SYNPR: variants seen among roughly 807,000 people sequenced by gnomAD.
The protein encoded by SYNPR is synaptoporin.
A neutral mutation model predicts 32.9 loss-of-function variants in SYNPR; 23 were observed. The ratio of observed to expected loss-of-function variants is 0.70; its 90% CI spans 0.50 to 0.99. The LOEUF is 0.99. Ranked by LOEUF, SYNPR falls within the 50% of genes least tolerant of loss-of-function variation. SYNPR has a pLI of 0.00. For synonymous variants in SYNPR, 146 were observed against 135.9 expected, an observed-to-expected ratio of 1.07 and a Z score of -0.52; for missense variants, 318 against 349.3, an observed-to-expected ratio of 0.91 and a Z score of 0.71.
intron 4 of SYNPR, among the ~76,000 whole-genome samples, chr3:63,563,887 T>TA (rs902497171): frequency 3.5e-5 from 5 of 142,292 alleles, no homozygotes; most frequent in African/African-American, 1.0e-4. Context: ...TAAAGTATAA[T>TA]AAAAAAATAA....
intron 2 of SYNPR, among the ~76,000 whole-genome samples, chr3:63,416,925 A>T (rs2088550014): frequency 1.3e-5 from 2 of 152,314 alleles, no homozygotes; most frequent in South Asian, 4.1e-4. Flanking sequence ...GTGGGGACAC[A>T]GCCAAACCAT....
At chr3:63,603,060 C>T (rs532387924) in intron 4 of SYNPR, among the ~76,000 whole-genome samples, 48 of 152,082 alleles carry the variant, frequency 3.2e-4, no homozygotes, top group African/African-American at 9.9e-4. Flanking sequence ...GATTTTTCAT[C>T]TCCCTGATTT....
intron 2 of SYNPR, among the ~76,000 whole-genome samples, chr3:63,402,148 C>T (rs2088301224): frequency 1.3e-5 from 2 of 152,118 alleles, no homozygotes; most frequent in South Asian, 4.1e-4. Context: ...GAAGAAGACA[C>T]TTTCTAGATC....
chr3:63,480,190 T>A (rs1391162540), intron 2 of SYNPR, among the ~76,000 whole-genome samples: 2 of 152,168 alleles, frequency 1.3e-5, no homozygotes, highest in Admixed American at 6.5e-5. Context: ...GGATAGACCA[T>A]GACATTAACT....
intron 4 of SYNPR, among the ~76,000 whole-genome samples, chr3:63,595,730 TATATATATATATATATATATATATATA>T (rs1699925440): frequency 4.0e-5 from 1 of 24,790 alleles, no homozygotes; most frequent in Admixed American, 5.8e-4. Context: ...TATATATATA[TATATATATATATATATATATATATATA>T]TATATATATA....
At chr3:63,293,865 A>G (rs567401892) in intron 2 of SYNPR, among the ~76,000 whole-genome samples, 8 of 152,232 alleles carry the variant, frequency 5.3e-5, no homozygotes, top group South Asian at 2.1e-4. Flanking sequence ...CTCCACTCTA[A>G]TATGACCTCA....
At chr3:63,375,123 G>A (rs1376307489) in intron 2 of SYNPR, among the ~76,000 whole-genome samples, 1 of 152,146 alleles carries the variant, frequency 6.6e-6, no homozygotes, top group Non-Finnish European at 1.5e-5. Context: ...ACTGTTGGTG[G>A]CAGTGTAAAT....
intron 2 of SYNPR, among the ~76,000 whole-genome samples, chr3:63,310,200 C>G (rs559972227): frequency 3.9e-5 from 6 of 152,008 alleles, no homozygotes; most frequent in African/African-American, 1.4e-4. Context: ...ATCTCTCTCA[C>G]CTTTGGTCTC....
chr3:63,220,247 G>T, the SYNPR span, among the ~76,000 whole-genome samples: 1 of 152,196 alleles, frequency 6.6e-6, no homozygotes, highest in Admixed American at 6.5e-5. Flanking sequence ...TGGTCAGAAA[G>T]AAAGAAAAAC....
chr3:63,554,132 C>T (rs1702555375), intron 3 of SYNPR, among the ~76,000 whole-genome samples: 1 of 152,146 alleles, frequency 6.6e-6, no homozygotes, highest in Admixed American at 6.5e-5. Flanking sequence ...GATATTAGAC[C>T]TTTGTCAGAT....
intron 2 of SYNPR, among the ~76,000 whole-genome samples, chr3:63,376,772 T>A (rs1251302297): frequency 1.3e-5 from 2 of 152,162 alleles, no homozygotes. Flanking sequence ...CCCCTGTCTC[T>A]ATCATTTTCT....
chr3:63,494,414 TATAC>T (rs1316050935), intron 3 of SYNPR, among the ~76,000 whole-genome samples: 2 of 84,554 alleles, frequency 2.4e-5, no homozygotes, highest in Non-Finnish European at 4.4e-5. Flanking sequence ...TATATATATA[TATAC>T]GTATATATAT....
intron 2 of SYNPR, among the ~76,000 whole-genome samples, chr3:63,283,792 C>T (rs969132566): frequency 1.3e-5 from 2 of 149,686 alleles, no homozygotes; most frequent in African/African-American, 4.9e-5. Flanking sequence ...TTGGTATAGT[C>T]CTTCCACAGA....
intron 3 of SYNPR, among the ~76,000 whole-genome samples, chr3:63,270,602 A>C (rs2086526289): frequency 6.6e-6 from 1 of 152,168 alleles, no homozygotes; most frequent in African/African-American, 2.4e-5. Context: ...GAAGGTATAA[A>C]ATTTGTTCAA....
chr3:63,392,997 G>A (rs887902105), intron 2 of SYNPR, among the ~76,000 whole-genome samples: 2 of 152,024 alleles, frequency 1.3e-5, no homozygotes, highest in African/African-American at 4.8e-5. Flanking sequence ...ACCTATGGCC[G>A]TGGAAAACTA....
chr3:63,610,491 T>G (rs895891442), intron 5 of SYNPR: 27 of 698,866 alleles, frequency 3.9e-5, no homozygotes, highest in Non-Finnish European at 6.3e-5. Flanking sequence ...AAATTCAATC[T>G]GCGAAGGCAC....
chr3:63,413,628 T>C (rs1311186755), intron 2 of SYNPR, among the ~76,000 whole-genome samples: 5 of 152,208 alleles, frequency 3.3e-5, no homozygotes, highest in African/African-American at 1.2e-4. Flanking sequence ...AGTACAGTTA[T>C]GCTAAGCTAG....
intron 1 of SYNPR, among the ~76,000 whole-genome samples, chr3:63,233,558 A>G (rs962335138): frequency 6.6e-6 from 1 of 152,210 alleles, no homozygotes; most frequent in African/African-American, 2.4e-5. Flanking sequence ...AAAAGATTCT[A>G]TGCAATTGAT....
chr3:63,294,143 C>A (rs927365917), intron 2 of SYNPR, among the ~76,000 whole-genome samples: 4 of 152,144 alleles, frequency 2.6e-5, no homozygotes, highest in Non-Finnish European at 5.9e-5. Flanking sequence ...TAATTCCTAA[C>A]TTAGGTAGTT....
Sources: gnomAD v4.1 joint callset for allele counts (sites outside exome capture counted in the v4.1 genomes callset) on GRCh38, gnomAD v4.1.1 for gene constraint, MANE v1.5 for transcripts, NCBI Gene and HGNC (gene_info 2026-07-23, HGNC 2026-07-21) for gene names.